TMEM63C: variants seen among roughly 807,000 people sequenced by gnomAD.
TMEM63C encodes osmosensitive cation channel TMEM63C.
In TMEM63C, 32 loss-of-function variants were observed where a neutral mutation model predicts 99.2. The ratio of observed to expected loss-of-function variants is 0.32; its 90% CI spans 0.24 to 0.43. The LOEUF (loss-of-function observed/expected upper bound fraction) is 0.43. Ranked by LOEUF, TMEM63C falls within the 20% of genes least tolerant of loss-of-function variation. TMEM63C has a pLI of 1.00. For synonymous variants in TMEM63C, 376 were observed against 397.9 expected, an observed-to-expected ratio of 0.94 and a Z score of 0.66; for missense variants, 826 against 1,053.0, an observed-to-expected ratio of 0.78 and a Z score of 2.98.
chr14:77,251,769 CTTT>C lies in TMEM63C; in HGVS notation c.2039-17_2039-15del, dbSNP rs1427692954. 1 of 1,603,504 alleles carries C rather than the reference CTTT, an allele frequency of 6.2e-7. No homozygotes were observed. The highest frequency in any genetic ancestry group is 1.3e-5 in the African/African-American group (1 of 74,662). On this transcript the variant is annotated splice_polypyrimidine_tract_variant and intron_variant, in intron 21 of 23. Transcript: ENST00000298351. The stretch of plus-strand genomic sequence containing the variant: ...TCGGCTGGCAGACTCCTGCCCATGA[CTTT>C]TTCTCCTCCTCGGCAGGTTCTCTCC...
chr14:77,197,424 G>A (rs536475690), intron 1 of TMEM63C, among the ~76,000 whole-genome samples: 1 of 152,328 alleles, frequency 6.6e-6, no homozygotes, highest in Admixed American at 6.5e-5. Context: ...ATTAGAAGAG[G>A]CAGCAGTGGA....
chr14:77,251,853 T>C lies in TMEM63C; in HGVS notation c.2103T>C (p.Phe701=), dbSNP rs779354600. 3 of 1,614,008 alleles carry C rather than the reference T, an allele frequency of 1.9e-6. No individual in the cohort carries two copies. The highest frequency in any genetic ancestry group is 2.5e-6 in the Non-Finnish European group (3 of 1,179,890). ...STLLIAMVIA[F]VGIFLGKLRM... ...TCCTCATTGCCATGGTGATTGCCTTTGTTGGCATTTTTCTGGGGAAGCTTC... is the reference window on the plus strand; with the variant it reads ...TCCTCATTGCCATGGTGATTGCCTTCGTTGGCATTTTTCTGGGGAAGCTTC... Residue 701 remains phenylalanine, a synonymous_variant, in exon 22 of 24, where the codon TTT becomes TTC. Coordinates refer to ENST00000298351, the MANE Select transcript of TMEM63C (RefSeq NM_020431.4).
At chr14:77,186,008 T>C (rs1412827116) in intron 1 of TMEM63C, among the ~76,000 whole-genome samples, 1 of 151,220 alleles carries the variant, frequency 6.6e-6, no homozygotes, top group Non-Finnish European at 1.5e-5. Flanking sequence ...GACCATGTTT[T>C]GTTGTTGTTG....
At chr14:77,205,860 G>A (rs1275971214) in intron 1 of TMEM63C, among the ~76,000 whole-genome samples, 1 of 152,148 alleles carries the variant, frequency 6.6e-6, no homozygotes, top group Non-Finnish European at 1.5e-5. Flanking sequence ...CTTGGCTTTA[G>A]ATCTCCACCC....
At chr14:77,186,993 C>G (rs1888013495) in intron 1 of TMEM63C, among the ~76,000 whole-genome samples, 1 of 152,202 alleles carries the variant, frequency 6.6e-6, no homozygotes, top group Non-Finnish European at 1.5e-5. Context: ...GAACAATAAG[C>G]CTGGCTTGAG....
At chr14:77,208,094 C>T (rs1222399161) in intron 1 of TMEM63C, among the ~76,000 whole-genome samples, 2 of 152,208 alleles carry the variant, frequency 1.3e-5, no homozygotes, top group Non-Finnish European at 2.9e-5. Context: ...ATAATAGAAC[C>T]TGCCTGGTCT....
intron 8 of TMEM63C, among the ~76,000 whole-genome samples, chr14:77,234,013 A>G (rs1888991994): frequency 6.6e-6 from 1 of 152,100 alleles, no homozygotes. Context: ...ATCATTGGGG[A>G]AGAGCTGGTG....
intron 1 of TMEM63C, among the ~76,000 whole-genome samples, chr14:77,193,973 C>T (rs1256554283): frequency 6.6e-6 from 1 of 152,116 alleles, no homozygotes; most frequent in Non-Finnish European, 1.5e-5. Context: ...GCACTCCAGC[C>T]TGGGCAACAG....
rs544809901 is a variant in TMEM63C at position 77,210,412 on chromosome 14, C to G, written c.-76-3034C>G. On this transcript the variant is annotated intron_variant, in intron 1 of 23. Coordinates refer to ENST00000298351, the MANE Select transcript of TMEM63C (RefSeq NM_020431.4). ...CAGTTTCTCCATATGTAAAGCTGAG[C>G]AAACCACTCTTTGTTGTGAAGAGTT... Among the ~76,000 whole-genome samples the G allele has an allele frequency of 7.2e-5, 11 of 152,308 alleles. No homozygotes were observed. The South Asian group carries it at 1.2e-3, about 17-fold the overall frequency.
chr14:77,188,989 TA>T (rs1462985559), intron 1 of TMEM63C, among the ~76,000 whole-genome samples: 1 of 152,252 alleles, frequency 6.6e-6, no homozygotes, highest in Non-Finnish European at 1.5e-5. Context: ...GCAAAGTTGA[TA>T]TATGTGTACA....
At chr14:77,229,685 C>T (rs1486336787) in intron 6 of TMEM63C, among the ~76,000 whole-genome samples, 1 of 149,232 alleles carries the variant, frequency 6.7e-6, no homozygotes, top group African/African-American at 2.4e-5. Context: ...CTGCTGGGCT[C>T]AAGCAATCCA....
intron 1 of TMEM63C, chr14:77,196,012 G>A (rs78811063): frequency 0.13 from 20,241 of 153,392 alleles, 1,591 homozygotes; most frequent in South Asian, 0.18. Context: ...AGGAGGCCAG[G>A]GAGGACTGGG....
intron 1 of TMEM63C, among the ~76,000 whole-genome samples, chr14:77,193,600 C>T (rs545774323): frequency 5.9e-5 from 9 of 151,914 alleles, no homozygotes; most frequent in Admixed American, 2.6e-4. Context: ...TTTGGGAGGT[C>T]GAGGCGGGCG....
intron 15 of TMEM63C, among the ~76,000 whole-genome samples, 185 bp downstream of exon 15, chr14:77,243,241 G>A (rs530701221): frequency 1.8e-4 from 28 of 152,276 alleles, no homozygotes; most frequent in African/African-American, 5.8e-4. Flanking sequence ...GATGAAGGTG[G>A]GTGACTGCCA....
At chr14:77,256,354 A>C (rs774730869) in intron 23 of TMEM63C, among the ~76,000 whole-genome samples, 172 bp from the exon 24 acceptor site, 2 of 152,234 alleles carry the variant, frequency 1.3e-5, no homozygotes, top group South Asian at 2.1e-4. Flanking sequence ...CAAATGATCA[A>C]GAACAATTAG....
intron 12 of TMEM63C, among the ~76,000 whole-genome samples, chr14:77,240,103 A>C (rs984022349): frequency 6.6e-6 from 1 of 152,176 alleles, no homozygotes; most frequent in Admixed American, 6.5e-5. Flanking sequence ...CTGTGGCTCA[A>C]AGAGGGCGTC....
intron 1 of TMEM63C, among the ~76,000 whole-genome samples, chr14:77,209,646 G>A (rs528827875): frequency 3.3e-5 from 5 of 152,176 alleles, no homozygotes; most frequent in Non-Finnish European, 2.9e-5. Context: ...GTTCAGACAG[G>A]GCTGGTAATC....
chr14:77,213,459 G>A lies in TMEM63C; in HGVS notation c.-63G>A, dbSNP rs946929262. ...GTTCTTTTGCAGCAGCCCCGTAGCT[G>A]GGTGGAGCCTCCGGGCCTGACGTGG... On this transcript the variant is annotated 5_prime_UTR_variant, in exon 2 of 24. Coordinates refer to ENST00000298351, the MANE Select transcript of TMEM63C (RefSeq NM_020431.4). The A allele has an allele frequency of 2.0e-5, 3 of 152,224 alleles. No homozygotes were observed. Among genetic ancestry groups the A allele is most frequent in the Admixed American group, 1.3e-4 (2 of 15,286 alleles). The allele number at this position is 152,224 out of a possible 1,614,324, so 9.4% of individuals were successfully genotyped here. A position where few individuals can be genotyped will look rare whatever the true frequency, so the allele number is the denominator to read the frequency against.
intron 1 of TMEM63C, among the ~76,000 whole-genome samples, chr14:77,203,073 CA>C (rs1888329810): frequency 6.6e-6 from 1 of 152,066 alleles, no homozygotes; most frequent in South Asian, 2.1e-4. Context: ...GCATATAGTA[CA>C]AAATTCAAAA....
Sources: gnomAD v4.1 joint callset for allele counts (sites outside exome capture counted in the v4.1 genomes callset) on GRCh38, gnomAD v4.1.1 for gene constraint, MANE v1.5 for transcripts, NCBI Gene and HGNC (gene_info 2026-07-23, HGNC 2026-07-21) for gene names.